Variants in PRKG1 observed in about 807,000 individuals in gnomAD.
PRKG1 encodes cGMP-dependent protein kinase 1.
PRKG1 carries 35 observed loss-of-function variants against 88.1 expected under a neutral mutation model. The observed-to-expected ratio is 0.40, with a 90% CI of 0.30 to 0.53. The LOEUF is 0.53. Ranked by LOEUF, PRKG1 falls within the 20% of genes least tolerant of loss-of-function variation. PRKG1 has a pLI of 0.59. For missense variants in PRKG1, 540 were observed against 839.8 expected, an observed-to-expected ratio of 0.64 and a Z score of 4.41; for synonymous variants, 303 against 292.5, an observed-to-expected ratio of 1.04 and a Z score of -0.37.
intron 2 of PRKG1, among the ~76,000 whole-genome samples, chr10:51,322,228 G>A (rs1758895713): frequency 6.6e-6 from 1 of 151,996 alleles, no homozygotes; most frequent in African/African-American, 2.4e-5. Flanking sequence ...GCTTTTCTAC[G>A]TTACTAAAAG....
intron 3 of PRKG1, among the ~76,000 whole-genome samples, chr10:51,775,507 A>G (rs1223032786): frequency 6.6e-6 from 1 of 152,080 alleles, no homozygotes; most frequent in Non-Finnish European, 1.5e-5. Flanking sequence ...ATCTGAGTAG[A>G]TGATTTTGTG....
rs959915139 is a variant in PRKG1 at position 51,240,668 on chromosome 10, A to G, written c.478+87338A>G. ...ACTTCCAGATCAAACAAAATCCTGC[A>G]GGGACCTGTAAAATATCAAAAGGAC... On this transcript the variant is annotated intron_variant, in intron 2 of 17. Coordinates refer to ENST00000373980, the MANE Select transcript of PRKG1 (RefSeq NM_006258.4). Among the ~76,000 whole-genome samples, 3 of 152,192 alleles carry G rather than the reference A, an allele frequency of 2.0e-5. No individual in the cohort carries two copies. In the East Asian group the frequency reaches 5.8e-4, roughly 29 times the overall value.
At chr10:51,800,347 C>A (rs2132602647) in intron 3 of PRKG1, among the ~76,000 whole-genome samples, 1 of 152,130 alleles carries the variant, frequency 6.6e-6, no homozygotes, top group Admixed American at 6.6e-5. Context: ...CCTAATAAAC[C>A]CGCATGAGTT....
chr10:51,670,403 T>A (rs10998836), intron 3 of PRKG1, among the ~76,000 whole-genome samples: 21,585 of 151,622 alleles, frequency 0.14, 1,652 homozygotes, highest in African/African-American at 0.18. Context: ...TTTCTTTATT[T>A]TTTTTTCCTT....
rs540408799 is a variant in PRKG1 at position 52,052,494 on chromosome 10, G to A, written c.763-1990G>A. On this transcript the variant is annotated intron_variant, in intron 5 of 17. Transcript: ENST00000373980. ...TACACCTGTGGTCCCAGCTACTTGG[G>A]AGGCTGTATTAGTTCATTCTCATAC... 9.3e-4 allele frequency among the ~76,000 whole-genome samples: 142 copies of A among 152,096 alleles called. 3 individuals are homozygous for A. The South Asian group carries it at 0.013, about 14-fold the overall frequency.
At chr10:51,751,768 C>A (rs981322943) in intron 3 of PRKG1, among the ~76,000 whole-genome samples, 1 of 151,798 alleles carries the variant, frequency 6.6e-6, no homozygotes, top group Non-Finnish European at 1.5e-5. Context: ...TTTTAAGGTC[C>A]TTGAACTCCA....
At chr10:51,865,643 G>A (rs1840995014) in intron 4 of PRKG1, among the ~76,000 whole-genome samples, 2 of 151,974 alleles carry the variant, frequency 1.3e-5, no homozygotes, top group South Asian at 2.1e-4. Flanking sequence ...TATTTTTAAT[G>A]GCATTAAAAC....
At chr10:51,564,450 GT>G (rs1837550231) in intron 3 of PRKG1, among the ~76,000 whole-genome samples, 1 of 152,006 alleles carries the variant, frequency 6.6e-6, no homozygotes, top group Admixed American at 6.6e-5. Context: ...TTGGATAAAA[GT>G]TTTAAGGAGA....
chr10:52,143,424 T>C (rs1029965681), intron 8 of PRKG1, among the ~76,000 whole-genome samples: 1 of 152,132 alleles, frequency 6.6e-6, no homozygotes, highest in African/African-American at 2.4e-5. Context: ...CAGTGTGACA[T>C]TCAAAAGCAT....
chr10:52,233,764 C>A (rs1201533047), intron 9 of PRKG1, among the ~76,000 whole-genome samples: 10 of 150,658 alleles, frequency 6.6e-5, no homozygotes, highest in East Asian at 5.9e-4. Context: ...CCCAGGCTTG[C>A]TTAGGTAAAC....
At chr10:52,286,058 G>A (rs573983958) in intron 14 of PRKG1, among the ~76,000 whole-genome samples, 4 of 152,118 alleles carry the variant, frequency 2.6e-5, no homozygotes, top group South Asian at 2.1e-4. Flanking sequence ...AATTGACTCA[G>A]TATATCCTTT....
At chr10:51,347,698 C>T (rs929225087) in intron 2 of PRKG1, among the ~76,000 whole-genome samples, 1 of 152,024 alleles carries the variant, frequency 6.6e-6, no homozygotes, top group Non-Finnish European at 1.5e-5. Context: ...TTCTTGAAAT[C>T]GGTAAACATT....
At chr10:51,204,643 G>A (rs973711993) in intron 2 of PRKG1, among the ~76,000 whole-genome samples, 2 of 152,068 alleles carry the variant, frequency 1.3e-5, no homozygotes, top group African/African-American at 4.8e-5. Context: ...TGAAAAAATT[G>A]CCAGGTGAGT....
chr10:52,191,939 C>A (rs1338719059), intron 9 of PRKG1, among the ~76,000 whole-genome samples: 1 of 152,098 alleles, frequency 6.6e-6, no homozygotes, highest in Non-Finnish European at 1.5e-5. Flanking sequence ...AGTTAGGAAT[C>A]TGATATACTG....
intron 1 of PRKG1, among the ~76,000 whole-genome samples, chr10:51,036,540 G>A (rs746701299): frequency 8.3e-4 from 126 of 152,134 alleles, no homozygotes; most frequent in Non-Finnish European, 1.5e-3. Flanking sequence ...AATCTGGGAA[G>A]GGGAGTGAAA....
At chr10:51,387,026 T>C (rs1361373099) in intron 2 of PRKG1, among the ~76,000 whole-genome samples, 2 of 152,184 alleles carry the variant, frequency 1.3e-5, no homozygotes. Flanking sequence ...ATTTAAAAAA[T>C]AATACATATT....
intron 2 of PRKG1, among the ~76,000 whole-genome samples, chr10:51,238,436 A>G (rs1839058063): frequency 6.6e-6 from 1 of 152,120 alleles, no homozygotes; most frequent in African/African-American, 2.4e-5. Context: ...CAAAACAATT[A>G]GCTGGGCGTG....
chr10:51,316,422 G>A (rs369205993), intron 2 of PRKG1, among the ~76,000 whole-genome samples: 23 of 152,254 alleles, frequency 1.5e-4, no homozygotes, highest in African/African-American at 2.6e-4. Flanking sequence ...AGTGGCTCAC[G>A]CCTGTAATTC....
chr10:52,086,938 T>C (rs1846930768), intron 7 of PRKG1, among the ~76,000 whole-genome samples: 1 of 151,998 alleles, frequency 6.6e-6, no homozygotes, highest in Admixed American at 6.6e-5. Flanking sequence ...AAGTGCCGAG[T>C]AAAAGGGAGA....
Sources: allele counts gnomAD v4.1 joint callset (sites outside exome capture counted in the v4.1 genomes callset), GRCh38; gene constraint gnomAD v4.1.1; transcripts MANE v1.5; gene names NCBI Gene and HGNC (gene_info 2026-07-23, HGNC 2026-07-21).